The following PRDM1 variants were observed in gnomAD, a reference collection of about 807,000 sequenced individuals.
PRDM1 encodes PR/SET domain 1, also known as PR domain zinc finger protein 1.
A neutral mutation model predicts 62.8 loss-of-function variants in PRDM1; 13 were observed. The observed-to-expected ratio is 0.21, with a 90% confidence interval of 0.13 to 0.33. PRDM1 has a LOEUF of 0.33. Among genes scored for constraint, PRDM1 ranks in the 10% least tolerant of loss-of-function variants. The pLI, the probability that PRDM1 is intolerant of heterozygous loss-of-function variation, is 1.00. For synonymous variants in PRDM1, 396 were observed against 417.6 expected (o/e 0.95, Z 0.63); for missense variants, 895 against 1,058.8 (o/e 0.85, Z 2.15).
intron 1 of PRDM1, among the ~76,000 whole-genome samples, chr6:106,033,439 C>T (rs1772878407): frequency 6.6e-6 from 1 of 151,792 alleles, no homozygotes; most frequent in Admixed American, 6.6e-5. Context: ...TAGGCATGAG[C>T]CACTACGCCT....
At chr6:106,083,156 C>T (rs1294120521), upstream of PRDM1, among the ~76,000 whole-genome samples, 14 of 143,168 alleles carry the variant, frequency 9.8e-5, no homozygotes, top group Non-Finnish European at 1.8e-4. Context: ...TACAGTTGGT[C>T]CCCAAATGTT....
chr6:106,088,086 G>A, intron 1 of PRDM1, 115 bp from the exon 2 acceptor site: 3 of 1,313,064 alleles, frequency 2.3e-6, no homozygotes, highest in Non-Finnish European at 3.1e-6. Context: ...ACTGTACCAA[G>A]CACTCTGCAT....
At chr6:106,041,182 T>C (rs1342279489) in intron 1 of PRDM1, among the ~76,000 whole-genome samples, 1 of 151,986 alleles carries the variant, frequency 6.6e-6, no homozygotes, top group Non-Finnish European at 1.5e-5. Flanking sequence ...GGCATTACTA[T>C]TAATATTACT....
chr6:106,098,865 TTGACGTCG>T, intron 3 of PRDM1: 1 of 1,518,496 alleles, frequency 6.6e-7, no homozygotes, highest in East Asian at 2.5e-5. Flanking sequence ...AAGACTCAGT[TTGACGTCG>T]TCAGCCGGCT....
At position 106,107,534 on chromosome 6, in the gene PRDM1, G is replaced by C. The variant is rs763388810; in HGVS notation, c.*48G>C. On this transcript the variant is annotated 3_prime_UTR_variant, in exon 7 of 7. Coordinates refer to ENST00000369096, the MANE Select transcript of PRDM1 (RefSeq NM_001198.4). ...TGTTTCTTAAGTTATGACTTGGTGA[G>C]TCAGGGTGCCTGTAGGAAGTGGCTT... 3 of 1,503,894 alleles carry C rather than the reference G, an allele frequency of 2.0e-6. No individual in the cohort carries two copies. Among genetic ancestry groups the C allele is most frequent in the Non-Finnish European group, 2.7e-6 (3 of 1,114,198 alleles). 93.2% of individuals were successfully genotyped at this position (1,503,894 alleles called of 1,614,324 possible).
At chr6:106,002,225 G>C (rs151247399) in intron 1 of PRDM1, among the ~76,000 whole-genome samples, 43 of 152,278 alleles carry the variant, frequency 2.8e-4, no homozygotes, top group African/African-American at 1.0e-3. Context: ...GTAGAACAAT[G>C]GGTGTTACTT....
At chr6:106,016,015 C>A (rs1452368529) in intron 1 of PRDM1, among the ~76,000 whole-genome samples, 1 of 152,120 alleles carries the variant, frequency 6.6e-6, no homozygotes, top group Non-Finnish European at 1.5e-5. Context: ...CTGGCAACTT[C>A]TATTATACTT....
Position 106,088,431 on chromosome 6 carries a change from T to C in PRDM1, c.273T>C (p.Tyr91=). The change falls in exon 2 of 7, where the codon TAT becomes TAC. Residue 91 remains tyrosine, a synonymous_variant. Transcript: ENST00000369096. ...ASLPRNLLFK[Y]ATNSEEVIGV... ...TACCAAGGAATCTGCTTTTCAAGTA[T>C]GCCACCAACAGTGAAGAGGTAAGCC... 1 of 1,614,202 alleles carries C rather than the reference T, an allele frequency of 6.2e-7. No individual in the cohort carries two copies. Among genetic ancestry groups the C allele is most frequent in the South Asian group, 1.1e-5 (1 of 91,088 alleles).
intron 1 of PRDM1, among the ~76,000 whole-genome samples, chr6:106,023,132 G>A (rs1772718738): frequency 1.3e-5 from 2 of 152,156 alleles, no homozygotes; most frequent in South Asian, 4.1e-4. Context: ...CATTAGCACT[G>A]TCTTGATGTA....
chr6:106,009,069 C>G (rs1451925359), intron 1 of PRDM1, among the ~76,000 whole-genome samples: 4 of 152,198 alleles, frequency 2.6e-5, no homozygotes, highest in East Asian at 1.9e-4. Context: ...TATGTCTACC[C>G]TTTCGCTCAC....
At chr6:106,099,623 A>T (rs954260104) in intron 4 of PRDM1, 71 bp downstream of exon 4, 2 of 1,563,108 alleles carry the variant, frequency 1.3e-6, no homozygotes, top group African/African-American at 2.7e-5. Context: ...AACTAATAAC[A>T]TGTTGTTTAA....
chr6:106,022,417 G>A (rs1014029023), intron 1 of PRDM1, among the ~76,000 whole-genome samples: 2 of 145,628 alleles, frequency 1.4e-5, no homozygotes, highest in African/African-American at 5.1e-5. Context: ...CCACCACCAC[G>A]CCCAGCTAAT....
chr6:106,095,054 A>AACAC (rs369840258), intron 2 of PRDM1, among the ~76,000 whole-genome samples: 3 of 149,918 alleles, frequency 2.0e-5, no homozygotes, highest in Middle Eastern at 3.4e-3. Flanking sequence ...AAAAAAAAAA[A>AACAC]ACACACACAC....
Position 106,107,361 on chromosome 6 carries a change from C to G in PRDM1, c.2353C>G (p.Leu785Val). ...GCAAAGAAACATGGGGAATGGACTC[C>G]TCTCCTCAGGGTGCAGCCTTTATGA... ...SLQRNMGNGL[L>V]SSGCSLYESS... is the part of the protein sequence containing the mutation. Residue 785 changes from leucine to valine, a missense_variant, in exon 7 of 7, where the codon CTC becomes GTC. By Grantham distance (32) the Leu-to-Val change is conservative (BLOSUM62 1). This residue lies in a region of PRDM1 where 164 missense variants were observed against 179.9 expected (regional missense o/e 0.91). Transcript: ENST00000369096. The G allele has an allele frequency of 1.2e-6, 2 of 1,614,176 alleles. No homozygotes were observed. The highest frequency in any genetic ancestry group is 1.7e-6 in the Non-Finnish European group (2 of 1,180,030).
intron 1 of PRDM1, among the ~76,000 whole-genome samples, chr6:106,055,659 A>G (rs924679093): frequency 1.3e-5 from 2 of 152,202 alleles, no homozygotes; most frequent in Non-Finnish European, 2.9e-5. Flanking sequence ...TTTGCTAATT[A>G]AACAGTTCAC....
At chr6:106,012,734 A>G (rs1772573249) in intron 1 of PRDM1, among the ~76,000 whole-genome samples, 1 of 152,212 alleles carries the variant, frequency 6.6e-6, no homozygotes, top group Non-Finnish European at 1.5e-5. Context: ...TTCTAGAACA[A>G]CTTCAGAAAA....
intron 1 of PRDM1, among the ~76,000 whole-genome samples, chr6:106,057,287 A>T (rs956478057): frequency 5.3e-5 from 8 of 152,374 alleles, no homozygotes; most frequent in African/African-American, 1.9e-4. Context: ...TAAGGTTAAG[A>T]ACCTCAAGAA....
intron 1 of PRDM1, among the ~76,000 whole-genome samples, chr6:106,037,373 G>A (rs7758566): frequency 0.9 from 136,529 of 152,172 alleles, 61,314 homozygotes; most frequent in South Asian, 0.94. Context: ...GAATTTCTTA[G>A]ATGTTTATAT....
At chr6:106,050,450 G>GT (rs572953580) in intron 1 of PRDM1, among the ~76,000 whole-genome samples, 147 of 151,980 alleles carry the variant, frequency 9.7e-4, no homozygotes, top group Middle Eastern at 3.4e-3. Flanking sequence ...CTTAGGAATT[G>GT]TTTTTTTTGT....
Sources: gnomAD v4.1 joint callset for allele counts (sites outside exome capture counted in the v4.1 genomes callset) on GRCh38, gnomAD v4.1.1 for gene constraint, gnomAD v4.1.1 regional missense constraint, MANE v1.5 for transcripts, NCBI Gene and HGNC (gene_info 2026-07-23, HGNC 2026-07-21) for gene names.